Variants in ALK observed in about 807,000 individuals in gnomAD.
ALK encodes ALK receptor tyrosine kinase.
In ALK, 74 loss-of-function variants were observed where a neutral mutation model predicts 163.1. The ratio of observed to expected loss-of-function variants is 0.45; its 90% CI spans 0.38 to 0.55. ALK has a LOEUF of 0.55. Ranked by LOEUF, ALK falls within the 20% of genes least tolerant of loss-of-function variation. The pLI is 0.00. For missense variants in ALK, 2,063 were observed against 2,105.3 expected (o/e 0.98, Z 0.39); for synonymous variants, 960 against 843.2 (o/e 1.14, Z -2.40).
intron 5 of ALK, among the ~76,000 whole-genome samples, chr2:29,351,780 G>C (rs1336694045): frequency 6.6e-6 from 1 of 151,486 alleles, no homozygotes; most frequent in Non-Finnish European, 1.5e-5. Context: ...GGTGGGAGAG[G>C]CAGACCCAGA....
intron 9 of ALK, among the ~76,000 whole-genome samples, chr2:29,292,452 C>T (rs1179138140): frequency 6.6e-6 from 1 of 152,098 alleles, no homozygotes; most frequent in African/African-American, 2.4e-5. Context: ...AGAGAACTTG[C>T]CTTTCTTCTA....
intron 1 of ALK, among the ~76,000 whole-genome samples, chr2:29,909,476 C>G (rs1049539007): frequency 5.2e-5 from 5 of 96,706 alleles, no homozygotes; most frequent in Admixed American, 1.2e-4. Flanking sequence ...GAGAGACAGA[C>G]AGACAGAGAG....
At chr2:29,855,626 C>G (rs2148403548) in intron 1 of ALK, among the ~76,000 whole-genome samples, 1 of 152,316 alleles carries the variant, frequency 6.6e-6, no homozygotes, top group Admixed American at 6.5e-5. Flanking sequence ...AATCAACACA[C>G]TGACAAAAGT....
chr2:29,786,956 T>C (rs948756645), intron 1 of ALK, among the ~76,000 whole-genome samples: 2 of 152,266 alleles, frequency 1.3e-5, no homozygotes, highest in East Asian at 1.9e-4. Context: ...CCACCACGCC[T>C]GGCTAATTTT....
intron 1 of ALK, among the ~76,000 whole-genome samples, chr2:29,835,089 G>A (rs1008905953): frequency 1.3e-5 from 2 of 152,206 alleles, no homozygotes; most frequent in Non-Finnish European, 2.9e-5. Context: ...AAAGAAACAA[G>A]CAATTTTGAC....
At chr2:29,299,580 T>C (rs1329177717) in intron 8 of ALK, among the ~76,000 whole-genome samples, 2 of 152,168 alleles carry the variant, frequency 1.3e-5, no homozygotes, top group Non-Finnish European at 2.9e-5. Context: ...ATAGGGACTG[T>C]TAACTGAAAT....
At chr2:29,244,126 G>C (rs1475064087) in intron 12 of ALK, among the ~76,000 whole-genome samples, 2 of 152,348 alleles carry the variant, frequency 1.3e-5, no homozygotes, top group African/African-American at 4.8e-5. Flanking sequence ...GATCTTGCGG[G>C]AGAGAGTGGA....
chr2:29,577,841 C>G (rs148998676), intron 3 of ALK, among the ~76,000 whole-genome samples: 2 of 152,198 alleles, frequency 1.3e-5, no homozygotes, highest in Non-Finnish European at 2.9e-5. Flanking sequence ...TAAGCCAATT[C>G]GTCAGACACC....
rs539046196 is a variant in ALK at position 29,781,578 on chromosome 2, A to G, written c.668-63881T>C. ...TTACAATGTGCGAAGCAAACAAAGA[A>G]TCTGTCTCACCCACATAAAAATGAC... On this transcript the variant is annotated intron_variant, in intron 1 of 28. Coordinates refer to ENST00000389048, the MANE Select transcript of ALK (RefSeq NM_004304.5). 1.5e-3 allele frequency among the ~76,000 whole-genome samples: 236 copies of G among 152,354 alleles called. 2 individuals are homozygous for G. The highest frequency in any genetic ancestry group is 2.1e-3 in the Non-Finnish European group (140 of 68,038).
At chr2:29,835,243 C>T (rs1293088345) in intron 1 of ALK, among the ~76,000 whole-genome samples, 2 of 152,048 alleles carry the variant, frequency 1.3e-5, no homozygotes, top group African/African-American at 2.4e-5. Context: ...AGAATGTAAA[C>T]GTTTTGGGGT....
chr2:29,527,933 G>A lies in ALK; in HGVS notation c.1154+3982C>T, dbSNP rs146813944. ...AGGAGGTTAGACTCCCGTATCTTCC[G>A]GGTCTAGGGGTTGAGGTCCTGCAGA... On this transcript the variant is annotated intron_variant, in intron 4 of 28. Transcript: ENST00000389048. Among the ~76,000 whole-genome samples, 25 of 152,192 alleles carry A rather than the reference G, an allele frequency of 1.6e-4. No homozygotes were observed. The East Asian group carries it at 3.1e-3, about 19-fold the overall frequency.
chr2:29,346,171 C>T (rs985413224), intron 5 of ALK, among the ~76,000 whole-genome samples: 1 of 152,190 alleles, frequency 6.6e-6, no homozygotes, highest in African/African-American at 2.4e-5. Context: ...GTTTCTATTC[C>T]AATACATGAC....
chr2:29,328,403 G>C lies in ALK; in HGVS notation c.1361C>G (p.Ala454Gly), dbSNP rs766818130. The change falls in exon 6 of 29, where the codon GCC becomes GGC. Residue 454 changes from alanine to glycine, a missense_variant. Around this residue, in one of 5 missense-constraint regions of ALK, gnomAD observed 987 missense variants for 939.5 expected, o/e 1.05. Coordinates refer to ENST00000389048, the MANE Select transcript of ALK (RefSeq NM_004304.5). ...GGCACAGTCCTGGTGGAAGTCACAGGCCTGCCCAAGCTGGAGGACTGTCCC... is the reference window on the plus strand; with the variant it reads ...GGCACAGTCCTGGTGGAAGTCACAGCCCTGCCCAAGCTGGAGGACTGTCCC... Reference protein sequence around the residue: ...WNGTVLQLGQACDFHQDCAQG... With the variant: ...WNGTVLQLGQGCDFHQDCAQG... The C allele has an allele frequency of 1.9e-6, 3 of 1,614,170 alleles. No homozygotes were observed. The highest frequency in any genetic ancestry group is 1.7e-5 in the Admixed American group (1 of 60,022).
intron 4 of ALK, among the ~76,000 whole-genome samples, chr2:29,504,647 G>T (rs1350348058): frequency 1.3e-5 from 2 of 152,074 alleles, no homozygotes; most frequent in African/African-American, 4.8e-5. Context: ...GCAGCCTTGG[G>T]TAATGCTTGA....
chr2:29,301,513 C>G (rs1249934042), intron 8 of ALK, among the ~76,000 whole-genome samples: 1 of 152,166 alleles, frequency 6.6e-6, no homozygotes, highest in African/African-American at 2.4e-5. Context: ...CCAGGCTTTC[C>G]TCTTAGAGGT....
chr2:29,799,772 A>G (rs1382424970), intron 1 of ALK, among the ~76,000 whole-genome samples: 2 of 152,210 alleles, frequency 1.3e-5, no homozygotes, highest in South Asian at 2.1e-4. Context: ...TACATTAAAA[A>G]TCATCATAAA....
At chr2:29,217,336 T>C (rs1264989892) in intron 23 of ALK, among the ~76,000 whole-genome samples, 3 of 144,748 alleles carry the variant, frequency 2.1e-5, no homozygotes, top group African/African-American at 7.7e-5. Flanking sequence ...GTTTTTTGTG[T>C]GTAGCATGTG....
At chr2:29,784,145 G>A (rs1467000988) in intron 1 of ALK, among the ~76,000 whole-genome samples, 2 of 152,048 alleles carry the variant, frequency 1.3e-5, no homozygotes, top group Non-Finnish European at 2.9e-5. Flanking sequence ...GAGGGAGCAA[G>A]GAGATAGAAC....
At chr2:29,636,861 T>C (rs1038032514) in intron 3 of ALK, among the ~76,000 whole-genome samples, 1 of 152,208 alleles carries the variant, frequency 6.6e-6, no homozygotes, top group Non-Finnish European at 1.5e-5. Flanking sequence ...CATTAACTAT[T>C]AGGAAAACGC....
Sources: gnomAD v4.1 joint callset for allele counts (sites outside exome capture counted in the v4.1 genomes callset) on GRCh38, gnomAD v4.1.1 for gene constraint, gnomAD v4.1.1 regional missense constraint, MANE v1.5 for transcripts, NCBI Gene and HGNC (gene_info 2026-07-23, HGNC 2026-07-21) for gene names.